The following DLGAP1 variants were observed in gnomAD, a reference collection of about 807,000 sequenced individuals.
DLGAP1 encodes DLG associated protein 1.
DLGAP1 carries 11 observed loss-of-function variants against 90.8 expected under a neutral mutation model. That is an observed-to-expected ratio of 0.12 (90% CI 0.08 to 0.20). The LOEUF is 0.20. Among genes scored for constraint, DLGAP1 ranks in the 10% least tolerant of loss-of-function variants. The pLI, the probability that DLGAP1 is intolerant of heterozygous loss-of-function variation, is 1.00. For synonymous variants in DLGAP1, 558 were observed against 540.7 expected (o/e 1.03, Z -0.44); for missense variants, 1,050 against 1,333.8 (o/e 0.79, Z 3.31).
At chr18:3,612,582 G>C (rs1020176854) in intron 7 of DLGAP1, among the ~76,000 whole-genome samples, 26 of 152,152 alleles carry the variant, frequency 1.7e-4, no homozygotes, top group African/African-American at 5.8e-4. Context: ...CAGGCGGGTG[G>C]TGTACAATGA....
chr18:3,913,382 G>C (rs1359207936), intron 3 of DLGAP1, among the ~76,000 whole-genome samples: 1 of 152,138 alleles, frequency 6.6e-6, no homozygotes, highest in Admixed American at 6.6e-5. Context: ...GAACCACCAT[G>C]CTCAGCCAGA....
intron 3 of DLGAP1, among the ~76,000 whole-genome samples, chr18:3,929,715 C>A (rs974962728): frequency 2.6e-5 from 4 of 152,184 alleles, no homozygotes; most frequent in African/African-American, 9.7e-5. Flanking sequence ...AACAGTAATA[C>A]AACCAAATTT....
At chr18:3,903,090 A>G (rs1262984142) in intron 3 of DLGAP1, among the ~76,000 whole-genome samples, 1 of 152,016 alleles carries the variant, frequency 6.6e-6, no homozygotes, top group African/African-American at 2.4e-5. Flanking sequence ...TTTCAATTGC[A>G]CGCTCTTGGA....
intron 3 of DLGAP1, among the ~76,000 whole-genome samples, chr18:3,969,485 G>A (rs1000604041): frequency 1.3e-5 from 2 of 152,146 alleles, no homozygotes; most frequent in African/African-American, 4.8e-5. Flanking sequence ...AGAGAAAAGG[G>A]TGCTTGTTCT....
At chr18:3,780,190 A>G (rs2065128125) in intron 5 of DLGAP1, among the ~76,000 whole-genome samples, 1 of 152,242 alleles carries the variant, frequency 6.6e-6, no homozygotes, top group African/African-American at 2.4e-5. Context: ...TGGGTAAAAA[A>G]TAAAGGTATC....
chr18:3,714,106 T>C (rs1286257964), intron 7 of DLGAP1, among the ~76,000 whole-genome samples: 1 of 152,196 alleles, frequency 6.6e-6, no homozygotes, highest in Non-Finnish European at 1.5e-5. Context: ...ACCACAAGTT[T>C]CTTAATCCCC....
intron 9 of DLGAP1, among the ~76,000 whole-genome samples, chr18:3,562,754 G>C (rs537939272): frequency 2.7e-5 from 4 of 150,934 alleles, no homozygotes; most frequent in African/African-American, 9.7e-5. Context: ...GTCTCCGAAA[G>C]TGTTGGGATT....
At chr18:4,319,395 C>T (rs2080619875) in intron 1 of DLGAP1, among the ~76,000 whole-genome samples, 1 of 152,084 alleles carries the variant, frequency 6.6e-6, no homozygotes, top group African/African-American at 2.4e-5. Flanking sequence ...TTATGCTAAA[C>T]AACATGAGGG....
chr18:3,736,382 A>G lies in DLGAP1; in HGVS notation c.1350+5953T>C, dbSNP rs569199161. On this transcript the variant is annotated intron_variant, in intron 6 of 12. Transcript: ENST00000315677. ...TTTTTTTCCTTATCATCCAAGCACA[A>G]TCTGTTTTTAGGGCTCTTTTACTGC... 8.5e-5 allele frequency among the ~76,000 whole-genome samples: 13 copies of G among 152,288 alleles called. No homozygotes were observed. In the South Asian group the frequency reaches 2.3e-3, roughly 27 times the overall value.
chr18:4,377,333 A>G (rs556936645), intron 1 of DLGAP1, among the ~76,000 whole-genome samples: 46 of 152,324 alleles, frequency 3.0e-4, no homozygotes, highest in African/African-American at 1.1e-3. Context: ...GAAAAGAACT[A>G]TCATATTCCT....
At chr18:4,315,221 G>A (rs554029979) in intron 1 of DLGAP1, among the ~76,000 whole-genome samples, 8 of 152,150 alleles carry the variant, frequency 5.3e-5, no homozygotes, top group Non-Finnish European at 1.0e-4. Context: ...GAAAGAAGGT[G>A]TTTATACAAT....
intron 5 of DLGAP1, among the ~76,000 whole-genome samples, chr18:3,783,583 A>G (rs566681804): frequency 3.9e-5 from 6 of 152,318 alleles, no homozygotes; most frequent in Admixed American, 3.9e-4. Context: ...ATCCATAGAG[A>G]CAAAGTAGAA....
At chr18:4,433,962 C>T (rs368260719) in intron 1 of DLGAP1, among the ~76,000 whole-genome samples, 1 of 152,080 alleles carries the variant, frequency 6.6e-6, no homozygotes, top group East Asian at 1.9e-4. Flanking sequence ...GTCACACACC[C>T]TACATTCCAG....
At chr18:3,765,689 C>T (rs1568095929) in intron 5 of DLGAP1, among the ~76,000 whole-genome samples, 1 of 151,784 alleles carries the variant, frequency 6.6e-6, no homozygotes, top group African/African-American at 2.4e-5. Flanking sequence ...AAAAAATTAG[C>T]CAGGCGTGGT....
At chr18:4,282,420 G>A (rs1360592785) in intron 1 of DLGAP1, among the ~76,000 whole-genome samples, 1 of 149,238 alleles carries the variant, frequency 6.7e-6, no homozygotes, top group Non-Finnish European at 1.5e-5. Flanking sequence ...AAAACAAAAT[G>A]ATTTGTGAAC....
At chr18:3,866,395 T>A (rs955436653) in intron 4 of DLGAP1, among the ~76,000 whole-genome samples, 1 of 152,232 alleles carries the variant, frequency 6.6e-6, no homozygotes, top group Non-Finnish European at 1.5e-5. Flanking sequence ...ATTAAACTCT[T>A]TCTTAGACAG....
chr18:4,439,820 T>TA (rs2083487826), intron 1 of DLGAP1, among the ~76,000 whole-genome samples: 1 of 150,060 alleles, frequency 6.7e-6, no homozygotes, highest in Non-Finnish European at 1.5e-5. Flanking sequence ...TAAAAAATTT[T>TA]AAAAAAAGAA....
At chr18:4,086,440 A>G (rs2075681981) in intron 2 of DLGAP1, among the ~76,000 whole-genome samples, 2 of 152,182 alleles carry the variant, frequency 1.3e-5, no homozygotes, top group Admixed American at 1.3e-4. Context: ...TCAGCATATA[A>G]TGCTATAAAT....
intron 5 of DLGAP1, among the ~76,000 whole-genome samples, chr18:3,790,720 G>A (rs140814886): frequency 6.6e-6 from 1 of 152,290 alleles, no homozygotes; most frequent in African/African-American, 2.4e-5. Context: ...ATATATCCAC[G>A]AAAGAAGTTG....
Sources: allele counts gnomAD v4.1 joint callset (sites outside exome capture counted in the v4.1 genomes callset), GRCh38; gene constraint gnomAD v4.1.1; transcripts MANE v1.5; gene names NCBI Gene and HGNC (gene_info 2026-07-23, HGNC 2026-07-21).